TLE2: variants seen among roughly 807,000 people sequenced by gnomAD.
TLE2 encodes transducin-like enhancer protein 2.
A neutral mutation model predicts 97.2 loss-of-function variants in TLE2; 74 were observed. The observed-to-expected ratio is 0.76, with a 90% CI of 0.63 to 0.92. TLE2 has a LOEUF of 0.92. TLE2 is among the 40% of genes least tolerant of loss of function. The pLI is 0.00. For missense variants in TLE2, 1,038 were observed against 1,008.7 expected (o/e 1.03, Z -0.39); for synonymous variants, 499 against 432.1 (o/e 1.15, Z -1.92).
intron 1 of TLE2, 32 bp from the exon 2 acceptor site, chr19:3,028,835 T>C (rs1177691803): frequency 6.2e-7 from 1 of 1,611,958 alleles, no homozygotes; most frequent in Non-Finnish European, 8.5e-7. Context: ...CGTCAGGGTC[T>C]GAGTTCCCGG....
chr19:3,006,408 C>A lies in TLE2; in HGVS notation c.1500+12G>T, dbSNP rs775589321. On this transcript the variant is annotated intron_variant, in intron 15 of 19. Coordinates refer to ENST00000262953, the MANE Select transcript of TLE2 (RefSeq NM_003260.5). ...CCTGTGAGTCCCGCCCACTGTCCCA[C>A]CCCGCCCTCACCAGGCAGTCGAGCT... 2.7e-5 allele frequency: 44 copies of A among 1,608,226 alleles called. No homozygotes were observed. Among genetic ancestry groups the A allele is most frequent in the Non-Finnish European group, 3.6e-5 (43 of 1,178,962 alleles).
At chr19:3,027,940 G>A in intron 3 of TLE2, 67 bp from the exon 4 acceptor site, 5 of 1,488,562 alleles carry the variant, frequency 3.4e-6, no homozygotes, top group Non-Finnish European at 4.6e-6. Context: ...GATAGGTGAT[G>A]CCAGGGTCTT....
At chr19:3,013,012 C>T (rs1005025068) in intron 11 of TLE2, among the ~76,000 whole-genome samples, 1 of 152,146 alleles carries the variant, frequency 6.6e-6, no homozygotes, top group Non-Finnish European at 1.5e-5. Context: ...GGAGCCCCAA[C>T]CTCTGGCGGT....
At chr19:3,034,969 G>A (rs1384370980) in intron 1 of TLE2, among the ~76,000 whole-genome samples, 1 of 152,178 alleles carries the variant, frequency 6.6e-6, no homozygotes, top group Non-Finnish European at 1.5e-5. Context: ...CGGTGAGTGA[G>A]CTGAGGCTCC....
At chr19:3,036,020 T>A (rs2090060145) in intron 1 of TLE2, among the ~76,000 whole-genome samples, 1 of 152,194 alleles carries the variant, frequency 6.6e-6, no homozygotes, top group South Asian at 2.1e-4. Flanking sequence ...AGGTTGCATC[T>A]TTCTCCCTAT....
Position 3,028,973 on chromosome 19 carries a change from A to G in TLE2, c.-69T>C. The G allele has an allele frequency of 6.3e-7, 1 of 1,575,218 alleles. No individual in the cohort carries two copies. Among genetic ancestry groups the G allele is most frequent in the Admixed American group, 1.8e-5 (1 of 55,474 alleles). On this transcript the variant is annotated 5_prime_UTR_variant, in exon 1 of 20. Transcript: ENST00000262953. Reference sequence around the variant, plus strand: ...GATATGGAGGCGGCAAGAGTGGGGGAGGCTGAAGTGGGGTGGTGGGGAGGC... The same window carrying G: ...GATATGGAGGCGGCAAGAGTGGGGGGGGCTGAAGTGGGGTGGTGGGGAGGC...
intron 5 of TLE2, chr19:3,020,041 G>C (rs1327419786): frequency 2.1e-6 from 1 of 486,514 alleles, no homozygotes; most frequent in African/African-American, 2.0e-5. Context: ...CCAGCGCTTT[G>C]GAAGGCTGAG....
chr19:3,045,506 T>A (rs116833047), intron 1 of TLE2, among the ~76,000 whole-genome samples: 3 of 152,156 alleles, frequency 2.0e-5, no homozygotes, highest in African/African-American at 7.2e-5. Flanking sequence ...CAGAAACTTC[T>A]TTCTCTTAAA....
Position 2,998,237 on chromosome 19 carries a change from ATGTGTGTGTGTGTGTG to A in TLE2, c.2125-298_2125-283del, listed in dbSNP as rs56398458. Among the ~76,000 whole-genome samples the A allele has an allele frequency of 3.7e-3, 446 of 121,422 alleles. 2 individuals are homozygous for A. Among genetic ancestry groups the A allele is most frequent in the Middle Eastern group, 3.9e-3 (1 of 256 alleles). The allele number at this position is 121,422 out of a possible 152,430, so 79.7% of individuals were successfully genotyped here. On this transcript the variant is annotated intron_variant, in intron 19 of 19. Transcript: ENST00000262953. ...AGGCGCCCGCAACCACGCCCGGCCAATGTGTGTGTGTGTGTGTGTGTGTGTGTGTGTGTGTGTGTAA... is the reference window on the plus strand; with the variant it reads ...AGGCGCCCGCAACCACGCCCGGCCAATGTGTGTGTGTGTGTGTGTGTGTAA...
At chr19:3,030,626 A>G (rs185277345), upstream of TLE2, among the ~76,000 whole-genome samples, 262 of 152,268 alleles carry the variant, frequency 1.7e-3, no homozygotes, top group African/African-American at 5.9e-3. Context: ...AAAGGGCACA[A>G]GAGCCCTTAT....
intron 7 of TLE2, among the ~76,000 whole-genome samples, 157 bp from the exon 8 acceptor site, chr19:3,018,016 G>A (rs1289870812): frequency 6.6e-6 from 1 of 151,344 alleles, no homozygotes; most frequent in Non-Finnish European, 1.5e-5. Context: ...TGCAAGTGGT[G>A]GATTATCCCT....
At chr19:2,998,176 C>T (rs1011087253) in intron 19 of TLE2, among the ~76,000 whole-genome samples, 2 of 151,514 alleles carry the variant, frequency 1.3e-5, no homozygotes, top group African/African-American at 2.4e-5. Context: ...GTTCAAGACA[C>T]TCTCCTGCCT....
At chr19:3,028,490 AC>A in intron 2 of TLE2, 108 bp from the exon 3 acceptor site, 1 of 1,041,714 alleles carries the variant, frequency 9.6e-7, no homozygotes, top group Admixed American at 3.0e-5. Flanking sequence ...ACCTCCCCCC[AC>A]CTCCTGTCCC....
At chr19:3,022,349 A>AC (rs537525812) in intron 5 of TLE2, among the ~76,000 whole-genome samples, 266 of 151,130 alleles carry the variant, frequency 1.8e-3, no homozygotes, top group African/African-American at 5.8e-3. Context: ...TGGTGAAACC[A>AC]CCCCCCCACC....
chr19:3,029,627 T>C (rs1401195228), upstream of TLE2: 3 of 250,304 alleles, frequency 1.2e-5, no homozygotes, highest in Non-Finnish European at 1.9e-5. Flanking sequence ...GCAAGTGACA[T>C]TGGGTTGAGA....
At chr19:3,006,357 C>A in intron 15 of TLE2, 63 bp downstream of exon 15, 1 of 1,568,642 alleles carries the variant, frequency 6.4e-7, no homozygotes, top group South Asian at 1.2e-5. Context: ...AACACCGCCC[C>A]ATTGGAACAT....
At chr19:3,039,821 G>C (rs1365466674) in intron 1 of TLE2, among the ~76,000 whole-genome samples, 1 of 152,194 alleles carries the variant, frequency 6.6e-6, no homozygotes, top group East Asian at 1.9e-4. Context: ...AGATCGCAGA[G>C]ATCACACTAC....
At chr19:3,026,998 A>T (rs527688847) in intron 4 of TLE2, among the ~76,000 whole-genome samples, 226 of 147,666 alleles carry the variant, frequency 1.5e-3, no homozygotes, top group Non-Finnish European at 2.7e-3. Context: ...CCCTGAGGTC[A>T]ATCTCAGAGC....
At chr19:3,029,314 G>C (rs1270152090), upstream of TLE2, 1 of 190,690 alleles carries the variant, frequency 5.2e-6, no homozygotes, top group Non-Finnish European at 9.3e-6. Flanking sequence ...TTAAGGTGGC[G>C]CCGCCGCCCC....
Sources: gnomAD v4.1 joint callset for allele counts (sites outside exome capture counted in the v4.1 genomes callset) on GRCh38, gnomAD v4.1.1 for gene constraint, MANE v1.5 for transcripts, NCBI Gene and HGNC (gene_info 2026-07-23, HGNC 2026-07-21) for gene names.